The following NAALADL2 variants were observed in gnomAD, a reference collection of about 807,000 sequenced individuals.
NAALADL2 encodes N-acetylated alpha-linked acidic dipeptidase like 2, also known as inactive N-acetylated-alpha-linked acidic dipeptidase-like protein 2.
Under a neutral mutation model 87.2 loss-of-function variants are expected in NAALADL2, and 76 were observed. The ratio of observed to expected loss-of-function variants is 0.87; its 90% CI spans 0.72 to 1.05. The LOEUF is 1.05. NAALADL2 is among the 50% of genes least tolerant of loss of function. The pLI is 0.00. For synonymous variants in NAALADL2, 354 were observed against 331.0 expected (o/e 1.07, Z -0.75); for missense variants, 1,089 against 945.8 (o/e 1.15, Z -1.99).
intron 9 of NAALADL2, among the ~76,000 whole-genome samples, chr3:175,497,488 TA>T (rs1398676011): frequency 6.6e-6 from 1 of 152,184 alleles, no homozygotes; most frequent in African/African-American, 2.4e-5. Flanking sequence ...ATCATTCATA[TA>T]AAATTTCAAT....
At chr3:174,450,278 G>A (rs73881161) in intron 1 of NAALADL2, among the ~76,000 whole-genome samples, 2,188 of 152,260 alleles carry the variant, frequency 0.014, 51 homozygotes, top group African/African-American at 0.05. Flanking sequence ...TGGGTGCTGC[G>A]CCTGAGGATA....
At chr3:174,657,757 C>G (rs1293256057) in intron 2 of NAALADL2, among the ~76,000 whole-genome samples, 1 of 152,080 alleles carries the variant, frequency 6.6e-6, no homozygotes, top group Non-Finnish European at 1.5e-5. Flanking sequence ...TTCCACTGCC[C>G]TAGAAACCCT....
intron 8 of NAALADL2, among the ~76,000 whole-genome samples, chr3:175,470,149 C>T (rs1433827743): frequency 6.6e-6 from 1 of 152,020 alleles, no homozygotes; most frequent in Non-Finnish European, 1.5e-5. Context: ...TCTTGTTTTT[C>T]AAGGCTAAAT....
In NAALADL2 at chr3:174,882,780, CATATGTGTATATAT is replaced by C. The variant is rs1405462612; in HGVS notation, c.43+23332_43+23345del. ...GTATATATACACACGTGTATATATA[CATATGTGTATATAT>C]ACACGTGTGTATATGTGCATATGTG... On this transcript the variant is annotated intron_variant, in intron 1 of 13. Coordinates refer to ENST00000454872, the MANE Select transcript of NAALADL2 (RefSeq NM_207015.3). Among the ~76,000 whole-genome samples, 178 of 105,222 alleles carry C rather than the reference CATATGTGTATATAT, an allele frequency of 1.7e-3. 1 individual carries two copies. Among genetic ancestry groups the C allele is most frequent in the African/African-American group, 7.6e-3 (169 of 22,374 alleles). The allele number at this position is 105,222 out of a possible 152,430, so 69.0% of individuals were successfully genotyped here.
intron 1 of NAALADL2, among the ~76,000 whole-genome samples, chr3:174,871,925 C>A (rs1727877401): frequency 6.8e-6 from 1 of 146,290 alleles, no homozygotes; most frequent in Non-Finnish European, 1.5e-5. Context: ...TAAATAAATA[C>A]CTTGTTTTAA....
At chr3:175,534,915 A>AG (rs1182593859) in intron 9 of NAALADL2, among the ~76,000 whole-genome samples, 8 of 151,876 alleles carry the variant, frequency 5.3e-5, no homozygotes, top group Non-Finnish European at 1.0e-4. Context: ...AAAAAAAAAA[A>AG]GAACATATCC....
intron 9 of NAALADL2, among the ~76,000 whole-genome samples, chr3:175,490,414 T>C (rs1210173246): frequency 6.6e-6 from 1 of 152,054 alleles, no homozygotes; most frequent in East Asian, 1.9e-4. Context: ...TGAGACAGAG[T>C]CTCACTCTGT....
intron 5 of NAALADL2, among the ~76,000 whole-genome samples, chr3:175,387,129 A>T (rs1161880472): frequency 6.6e-6 from 1 of 152,108 alleles, no homozygotes; most frequent in African/African-American, 2.4e-5. Flanking sequence ...CCACAATATG[A>T]GATAAGCACT....
intron 1 of NAALADL2, among the ~76,000 whole-genome samples, chr3:174,994,126 T>G (rs1448898582): frequency 6.6e-6 from 1 of 152,196 alleles, no homozygotes; most frequent in Non-Finnish European, 1.5e-5. Context: ...TCCAGGTGTG[T>G]TGGGGGAAGG....
At chr3:175,698,364 T>TATATGTATGTGTATTTATGTATGTATAC (rs1352179258) in intron 11 of NAALADL2, among the ~76,000 whole-genome samples, 3 of 51,090 alleles carry the variant, frequency 5.9e-5, no homozygotes, top group Admixed American at 2.1e-4. Context: ...TGTATGTGTA[T>TATATGTATGTGTATTTATGTATGTATAC]ATATGTATGT....
In NAALADL2 at chr3:175,803,291, T is replaced by C. The variant is rs1754414602; in HGVS notation, c.*88T>C. 1.2e-6 allele frequency: 1 copy of C among 832,546 alleles called. No individual in the cohort carries two copies. The highest frequency in any genetic ancestry group is 1.8e-6 in the Non-Finnish European group (1 of 548,252). 51.6% of individuals were successfully genotyped at this position (832,546 alleles called of 1,614,324 possible). ...CAGATTTTCTGACATTGAAGGCTTA[T>C]TTTCCCCAATGGCTTTTTGACAAGT... On this transcript the variant is annotated 3_prime_UTR_variant, in exon 14 of 14. Coordinates refer to ENST00000454872, the MANE Select transcript of NAALADL2 (RefSeq NM_207015.3).
chr3:174,837,037 C>A (rs1367756009), intron 3 of NAALADL2, among the ~76,000 whole-genome samples: 2 of 151,996 alleles, frequency 1.3e-5, no homozygotes, highest in African/African-American at 2.4e-5. Context: ...TAAATGCCTA[C>A]ATTAAAAAAT....
In NAALADL2 at chr3:174,642,056, C is replaced by T. The variant is rs1723248901; in HGVS notation, c.-115+91419C>T. ...TTACAGGCATGAGCCACTGCCGGGC[C>T]AACTTGGATTTGTTTCTGTTTTACA... On this transcript the variant is annotated intron_variant, in intron 2 of 3. Transcript: ENST00000434257. 2.0e-5 allele frequency among the ~76,000 whole-genome samples: 3 copies of T among 152,092 alleles called. No homozygotes were observed. The South Asian group carries it at 6.2e-4, about 32-fold the overall frequency.
intron 11 of NAALADL2, among the ~76,000 whole-genome samples, chr3:175,644,048 T>C (rs967983420): frequency 1.6e-4 from 25 of 152,144 alleles, no homozygotes; most frequent in African/African-American, 6.0e-4. Context: ...CTCTGATTGC[T>C]AATGAAGTTG....
chr3:175,704,399 A>C (rs1196247477), intron 11 of NAALADL2, among the ~76,000 whole-genome samples: 1 of 152,214 alleles, frequency 6.6e-6, no homozygotes, highest in Non-Finnish European at 1.5e-5. Context: ...ATACTTCTGC[A>C]CAAACCCCTT....
At chr3:174,663,472 G>A (rs1560127303) in intron 2 of NAALADL2, among the ~76,000 whole-genome samples, 1 of 152,118 alleles carries the variant, frequency 6.6e-6, no homozygotes. Context: ...GACTCAGACA[G>A]CTTCTAGTCA....
chr3:174,868,733 G>A (rs1235988716), intron 1 of NAALADL2, among the ~76,000 whole-genome samples: 1 of 152,054 alleles, frequency 6.6e-6, no homozygotes, highest in Non-Finnish European at 1.5e-5. Context: ...GGACCGTTTA[G>A]GCAATAGAAA....
chr3:174,567,935 T>C (rs898623243), intron 2 of NAALADL2, among the ~76,000 whole-genome samples: 2 of 151,694 alleles, frequency 1.3e-5, no homozygotes, highest in African/African-American at 4.8e-5. Flanking sequence ...AAGCAAAGCA[T>C]AAAATAAAAA....
chr3:174,657,994 C>T lies in NAALADL2; in HGVS notation c.-114-79647C>T, dbSNP rs185890895. On this transcript the variant is annotated intron_variant, in intron 2 of 3. Coordinates refer to the NAALADL2 transcript ENST00000434257. ...CATCTAATTCATGAATAATACCCCA[C>T]TTTCTTGATATACTACAGTTTATTC... 1.1e-4 allele frequency among the ~76,000 whole-genome samples: 16 copies of T among 152,258 alleles called. No individual in the cohort carries two copies. In the East Asian group the frequency reaches 2.7e-3, roughly 26 times the overall value.
Sources: gnomAD v4.1 joint callset for allele counts (sites outside exome capture counted in the v4.1 genomes callset) on GRCh38, gnomAD v4.1.1 for gene constraint, MANE v1.5 for transcripts, NCBI Gene and HGNC (gene_info 2026-07-23, HGNC 2026-07-21) for gene names.